The following CNTNAP2 variants were observed in gnomAD, a reference collection of about 807,000 sequenced individuals.
CNTNAP2 encodes the protein contactin-associated protein-like 2.
A neutral mutation model predicts 155.2 loss-of-function variants in CNTNAP2; 98 were observed. The ratio of observed to expected loss-of-function variants is 0.63; its 90% CI spans 0.54 to 0.75. The LOEUF (loss-of-function observed/expected upper bound fraction) is 0.75, where lower values mean the gene tolerates loss of function less well. CNTNAP2 is among the 30% of genes least tolerant of loss of function. The pLI is 0.00. For synonymous variants in CNTNAP2, 651 were observed against 631.2 expected (o/e 1.03, Z -0.47); for missense variants, 1,727 against 1,688.1 (o/e 1.02, Z -0.40).
At chr7:146,819,293 A>G (rs1328974086) in intron 2 of CNTNAP2, among the ~76,000 whole-genome samples, 1 of 152,180 alleles carries the variant, frequency 6.6e-6, no homozygotes, top group Non-Finnish European at 1.5e-5. Flanking sequence ...ATAGTAATGC[A>G]GATTCCATGA....
intron 8 of CNTNAP2, among the ~76,000 whole-genome samples, chr7:147,229,371 A>G (rs1803626263): frequency 1.3e-5 from 2 of 152,218 alleles, no homozygotes. Context: ...AGCATTGAGG[A>G]TGTGGCAGTT....
Position 147,649,030 on chromosome 7 carries a change from A to G in CNTNAP2, c.2098+9724A>G, listed in dbSNP as rs935810118. 5.9e-5 allele frequency among the ~76,000 whole-genome samples: 9 copies of G among 152,172 alleles called. 1 individual carries two copies. The highest frequency in any genetic ancestry group is 2.2e-4 in the African/African-American group (9 of 41,438). On this transcript the variant is annotated intron_variant, in intron 13 of 23. Transcript: ENST00000361727. Reference sequence around the variant, plus strand: ...TGTCATTTTCTTTTTTGTGTGCATGATTAGAAATGCTATTTACCAAGTGAC... The same window carrying G: ...TGTCATTTTCTTTTTTGTGTGCATGGTTAGAAATGCTATTTACCAAGTGAC...
At chr7:147,609,248 T>G (rs1222370892) in intron 12 of CNTNAP2, among the ~76,000 whole-genome samples, 1 of 152,112 alleles carries the variant, frequency 6.6e-6, no homozygotes, top group Non-Finnish European at 1.5e-5. Flanking sequence ...AAGAAGGTGG[T>G]GGGCCGGGCG....
intron 22 of CNTNAP2, among the ~76,000 whole-genome samples, chr7:148,388,334 C>G (rs1024713934): frequency 2.1e-5 from 3 of 142,266 alleles, no homozygotes; most frequent in Non-Finnish European, 4.5e-5. Flanking sequence ...GTGATGTTCC[C>G]CTTCCTGTGT....
At chr7:148,029,842 A>G (rs1426464279) in intron 15 of CNTNAP2, among the ~76,000 whole-genome samples, 2 of 152,226 alleles carry the variant, frequency 1.3e-5, no homozygotes, top group Non-Finnish European at 1.5e-5. Flanking sequence ...AAATATGAAC[A>G]TAAGACCAAT....
At chr7:146,260,123 C>T (rs1184252387) in intron 1 of CNTNAP2, among the ~76,000 whole-genome samples, 2 of 152,212 alleles carry the variant, frequency 1.3e-5, no homozygotes, top group Non-Finnish European at 2.9e-5. Flanking sequence ...GCCTTGGCAG[C>T]TTCCACATGT....
At chr7:147,718,837 C>G (rs1331068632) in intron 13 of CNTNAP2, among the ~76,000 whole-genome samples, 1 of 152,130 alleles carries the variant, frequency 6.6e-6, no homozygotes, top group East Asian at 1.9e-4. Context: ...TAATTACATA[C>G]ACATATGCTT....
chr7:147,705,077 T>C (rs973989317), intron 13 of CNTNAP2, among the ~76,000 whole-genome samples: 1 of 152,100 alleles, frequency 6.6e-6, no homozygotes, highest in Non-Finnish European at 1.5e-5. Flanking sequence ...TACTCTAATT[T>C]TTATTATGTA....
chr7:146,809,087 G>A (rs1246836088), intron 2 of CNTNAP2, among the ~76,000 whole-genome samples: 5 of 152,168 alleles, frequency 3.3e-5, no homozygotes, highest in Non-Finnish European at 7.3e-5. Context: ...GTACCCAGAA[G>A]TGTGACTGCT....
At chr7:146,260,141 C>T (rs1799899268) in intron 1 of CNTNAP2, among the ~76,000 whole-genome samples, 1 of 152,204 alleles carries the variant, frequency 6.6e-6, no homozygotes, top group African/African-American at 2.4e-5. Context: ...TGTGTTGGGC[C>T]TGAGGGTGCA....
intron 8 of CNTNAP2, among the ~76,000 whole-genome samples, chr7:147,276,858 A>T (rs1804907467): frequency 6.6e-6 from 1 of 152,004 alleles, no homozygotes; most frequent in Non-Finnish European, 1.5e-5. Flanking sequence ...TGAAGCACAG[A>T]TGCTGTGAAT....
intron 1 of CNTNAP2, among the ~76,000 whole-genome samples, chr7:146,653,888 TG>T (rs1799954918): frequency 6.6e-6 from 1 of 152,114 alleles, no homozygotes; most frequent in Admixed American, 6.6e-5. Flanking sequence ...ATCACATAAC[TG>T]GTTAGTGGCA....
At chr7:147,883,477 T>A (rs1799555641) in intron 13 of CNTNAP2, among the ~76,000 whole-genome samples, 1 of 152,214 alleles carries the variant, frequency 6.6e-6, no homozygotes, top group African/African-American at 2.4e-5. Context: ...ATGATGGCTG[T>A]TTGAAAGATA....
intron 13 of CNTNAP2, among the ~76,000 whole-genome samples, chr7:147,648,210 T>A (rs984887048): frequency 6.6e-6 from 1 of 152,222 alleles, no homozygotes; most frequent in Non-Finnish European, 1.5e-5. Context: ...AGATTAAAGA[T>A]GTAAGACAGA....
intron 15 of CNTNAP2, among the ~76,000 whole-genome samples, chr7:148,078,084 G>A (rs924002330): frequency 2.0e-5 from 3 of 148,176 alleles, no homozygotes; most frequent in Non-Finnish European, 3.0e-5. Flanking sequence ...TTTTTTTTTA[G>A]ACAGAATCTT....
intron 13 of CNTNAP2, among the ~76,000 whole-genome samples, chr7:147,651,350 C>T (rs1253457202): frequency 6.6e-6 from 1 of 152,204 alleles, no homozygotes; most frequent in Non-Finnish European, 1.5e-5. Context: ...AGAATATGCT[C>T]TTTTACTTAA....
intron 1 of CNTNAP2, among the ~76,000 whole-genome samples, chr7:146,121,323 A>G (rs986053359): frequency 1.3e-5 from 2 of 151,606 alleles, no homozygotes; most frequent in African/African-American, 4.8e-5. Context: ...CTTTTTTATG[A>G]TTGAAAGAGA....
intron 1 of CNTNAP2, among the ~76,000 whole-genome samples, chr7:146,286,104 T>C (rs1800332685): frequency 7.0e-6 from 1 of 143,184 alleles, no homozygotes; most frequent in African/African-American, 2.6e-5. Context: ...CTCTGGTTCA[T>C]GGGCAATCGA....
intron 21 of CNTNAP2, among the ~76,000 whole-genome samples, chr7:148,381,183 C>T (rs535952264): frequency 1.3e-5 from 2 of 152,334 alleles, no homozygotes; most frequent in African/African-American, 4.8e-5. Context: ...GGGCATGTTA[C>T]AGTGCTTTTA....
Sources: gnomAD v4.1 joint callset for allele counts (sites outside exome capture counted in the v4.1 genomes callset) on GRCh38, gnomAD v4.1.1 for gene constraint, MANE v1.5 for transcripts, NCBI Gene and HGNC (gene_info 2026-07-23, HGNC 2026-07-21) for gene names.